The following DPP10 variants were observed in gnomAD, a reference collection of about 807,000 sequenced individuals.
DPP10 encodes the protein dipeptidyl peptidase like 10.
In DPP10, 33 loss-of-function variants were observed where a neutral mutation model predicts 120.9. That is an observed-to-expected ratio of 0.27 (90% confidence interval 0.21 to 0.37). The LOEUF (loss-of-function observed/expected upper bound fraction) is 0.37, where lower values mean the gene tolerates loss of function less well. Among genes scored for constraint, DPP10 ranks in the 10% least tolerant of loss-of-function variants. The pLI, the probability that DPP10 is intolerant of heterozygous loss-of-function variation, is 1.00. For synonymous variants in DPP10, 337 were observed against 326.1 expected (o/e 1.03, Z -0.36); for missense variants, 816 against 942.8 (o/e 0.87, Z 1.76).
intron 21 of DPP10, among the ~76,000 whole-genome samples, chr2:115,831,017 T>A (rs942527751): frequency 6.6e-6 from 1 of 152,124 alleles, no homozygotes; most frequent in Non-Finnish European, 1.5e-5. Context: ...CCTGCCTCCT[T>A]GAGGCAGGAT....
At chr2:115,422,424 G>T (rs1216427957) in intron 3 of DPP10, among the ~76,000 whole-genome samples, 2 of 152,098 alleles carry the variant, frequency 1.3e-5, no homozygotes, top group African/African-American at 4.8e-5. Flanking sequence ...TATGCCAGTA[G>T]CATATCTCTT....
chr2:114,824,155 G>C (rs1686330575), intron 1 of DPP10, among the ~76,000 whole-genome samples: 1 of 152,180 alleles, frequency 6.6e-6, no homozygotes, highest in Non-Finnish European at 1.5e-5. Context: ...GGAATAAATG[G>C]TACCAAGGAT....
At chr2:115,836,367 T>C (rs1689529090) in intron 22 of DPP10, 111 bp downstream of exon 22, 5 of 1,367,272 alleles carry the variant, frequency 3.7e-6, no homozygotes, top group Non-Finnish European at 2.0e-6. Context: ...TTAGAGCCTG[T>C]TTTCAGCTGT....
At chr2:115,104,165 T>C (rs1441712794) in intron 1 of DPP10, among the ~76,000 whole-genome samples, 2 of 143,964 alleles carry the variant, frequency 1.4e-5, no homozygotes, top group Non-Finnish European at 3.0e-5. Flanking sequence ...GTCAAATACA[T>C]ATGTCTTTTT....
At chr2:114,897,308 A>G (rs1693103900) in intron 1 of DPP10, among the ~76,000 whole-genome samples, 1 of 152,204 alleles carries the variant, frequency 6.6e-6, no homozygotes, top group African/African-American at 2.4e-5. Context: ...TTCAGAAAGA[A>G]TGGTACCAGT....
At chr2:114,489,678 T>C (rs759749914) in intron 1 of DPP10, among the ~76,000 whole-genome samples, 2 of 152,096 alleles carry the variant, frequency 1.3e-5, no homozygotes, top group Non-Finnish European at 2.9e-5. Context: ...AAATGGAGTA[T>C]ATGAATTTGG....
At chr2:115,593,074 A>G (rs1186399821) in intron 5 of DPP10, among the ~76,000 whole-genome samples, 1 of 152,206 alleles carries the variant, frequency 6.6e-6, no homozygotes, top group East Asian at 1.9e-4. Flanking sequence ...AAGTAGAAAG[A>G]TAAATTGGTA....
intron 1 of DPP10, among the ~76,000 whole-genome samples, chr2:115,291,367 T>C (rs1236359230): frequency 6.6e-6 from 1 of 152,088 alleles, no homozygotes; most frequent in Admixed American, 6.6e-5. Flanking sequence ...AGGTCATTAA[T>C]AGAACATTAT....
intron 1 of DPP10, among the ~76,000 whole-genome samples, chr2:114,663,662 T>TAG (rs1407543024): frequency 0.029 from 2,752 of 94,722 alleles, 39 homozygotes; most frequent in Non-Finnish European, 0.035. Flanking sequence ...TATATATATA[T>TAG]ATATATAGAG....
intron 1 of DPP10, among the ~76,000 whole-genome samples, chr2:115,207,924 A>G (rs2056257497): frequency 6.6e-6 from 1 of 152,196 alleles, no homozygotes; most frequent in Non-Finnish European, 1.5e-5. Context: ...CTAGTTATAT[A>G]ACAATAGATT....
intron 5 of DPP10, among the ~76,000 whole-genome samples, chr2:115,646,177 G>A (rs2087239409): frequency 6.6e-6 from 1 of 152,052 alleles, no homozygotes; most frequent in African/African-American, 2.4e-5. Context: ...AACAGAGAGT[G>A]ACTAGTGCTT....
chr2:114,570,914 G>A (rs1689593430), intron 1 of DPP10, among the ~76,000 whole-genome samples: 1 of 151,650 alleles, frequency 6.6e-6, no homozygotes, highest in Non-Finnish European at 1.5e-5. Flanking sequence ...AAAAATTCAT[G>A]GATGGACTAT....
At chr2:115,504,806 A>G (rs1413774443) in intron 4 of DPP10, among the ~76,000 whole-genome samples, 1 of 152,132 alleles carries the variant, frequency 6.6e-6, no homozygotes, top group Non-Finnish European at 1.5e-5. Flanking sequence ...CTTTAAAAGT[A>G]GTGGTCATTA....
chr2:115,569,424 G>A (rs1039145702), intron 5 of DPP10, among the ~76,000 whole-genome samples: 10 of 152,172 alleles, frequency 6.6e-5, no homozygotes, highest in African/African-American at 1.9e-4. Context: ...TTACAATTCT[G>A]TGGTGTCATT....
intron 1 of DPP10, among the ~76,000 whole-genome samples, chr2:114,571,003 G>C (rs548139539): frequency 3.9e-5 from 6 of 152,154 alleles, no homozygotes; most frequent in South Asian, 4.2e-4. Context: ...GTTCTGACAC[G>C]GCTTCCAGGG....
At chr2:115,307,331 G>A (rs2061398583) in intron 1 of DPP10, among the ~76,000 whole-genome samples, 1 of 151,994 alleles carries the variant, frequency 6.6e-6, no homozygotes, top group African/African-American at 2.4e-5. Flanking sequence ...GTCATGAGTT[G>A]GAGTGACAGC....
At chr2:114,852,831 G>A (rs1308305652) in intron 1 of DPP10, among the ~76,000 whole-genome samples, 1 of 152,104 alleles carries the variant, frequency 6.6e-6, no homozygotes, top group African/African-American at 2.4e-5. Context: ...TATTGATATA[G>A]GCAAAATATT....
intron 1 of DPP10, among the ~76,000 whole-genome samples, chr2:114,462,354 C>T (rs1444367263): frequency 6.6e-6 from 1 of 152,192 alleles, no homozygotes; most frequent in South Asian, 2.1e-4. Flanking sequence ...TTTCCCCTAA[C>T]CTCCTGTTCC....
At chr2:114,878,137 G>C (rs1691308242) in intron 1 of DPP10, among the ~76,000 whole-genome samples, 1 of 152,042 alleles carries the variant, frequency 6.6e-6, no homozygotes, top group Non-Finnish European at 1.5e-5. Context: ...GAAACATCAA[G>C]ATGATTTTAA....
Sources: allele counts gnomAD v4.1 joint callset (sites outside exome capture counted in the v4.1 genomes callset), GRCh38; gene constraint gnomAD v4.1.1; transcripts MANE v1.5; gene names NCBI Gene and HGNC (gene_info 2026-07-23, HGNC 2026-07-21).